The following GFOD2 variants were observed in gnomAD, a reference collection of about 807,000 sequenced individuals.
The protein encoded by GFOD2 is Gfo/Idh/MocA-like oxidoreductase domain containing 2.
In GFOD2, 9 loss-of-function variants were observed where a neutral mutation model predicts 24.6. That is an observed-to-expected ratio of 0.37 (90% confidence interval 0.22 to 0.64). The LOEUF (loss-of-function observed/expected upper bound fraction) is 0.64, where lower values mean the gene tolerates loss of function less well. Ranked by LOEUF, GFOD2 falls within the 30% of genes least tolerant of loss-of-function variation. GFOD2 has a pLI of 0.65. For missense variants in GFOD2, 476 were observed against 532.5 expected, an observed-to-expected ratio of 0.89 and a Z score of 1.04; for synonymous variants, 211 against 224.8, an observed-to-expected ratio of 0.94 and a Z score of 0.55.
At chr16:67,677,549 C>G (rs1006451258) in intron 2 of GFOD2, 4 of 152,276 alleles carry the variant, frequency 2.6e-5, no homozygotes, top group African/African-American at 9.7e-5. Flanking sequence ...CTCCTGTGGT[C>G]TCTCGGTTGC....
intron 1 of GFOD2, among the ~76,000 whole-genome samples, chr16:67,717,706 G>C (rs1042696497): frequency 3.3e-5 from 5 of 152,114 alleles, no homozygotes; most frequent in Non-Finnish European, 1.5e-5. Context: ...CCAGAGAATC[G>C]CTTGAACCTG....
chr16:67,711,431 G>A (rs539392166), intron 1 of GFOD2, among the ~76,000 whole-genome samples: 2 of 152,012 alleles, frequency 1.3e-5, no homozygotes, highest in Non-Finnish European at 2.9e-5. Flanking sequence ...TTCTCCTGAT[G>A]GTGACTGTAG....
intron 2 of GFOD2, chr16:67,677,554 G>C (rs755038268): frequency 6.6e-6 from 1 of 152,204 alleles, no homozygotes; most frequent in Admixed American, 6.6e-5. Flanking sequence ...GTGGTCTCTC[G>C]GTTGCTCATC....
chr16:67,705,688 C>T (rs1206465271), intron 1 of GFOD2, among the ~76,000 whole-genome samples: 1 of 152,032 alleles, frequency 6.6e-6, no homozygotes, highest in African/African-American at 2.4e-5. Context: ...CCTGTAATCC[C>T]AGCACTTTGG....
intron 2 of GFOD2, chr16:67,683,036 C>T (rs986744763): frequency 1.0e-5 from 3 of 290,438 alleles, no homozygotes; most frequent in Non-Finnish European, 1.5e-5. Context: ...TCACTGCTCA[C>T]TGCAGCCTCT....
chr16:67,690,859 A>G (rs965829078), intron 1 of GFOD2, among the ~76,000 whole-genome samples: 3 of 152,012 alleles, frequency 2.0e-5, no homozygotes, highest in Admixed American at 2.0e-4. Context: ...TTTGTTTACC[A>G]ATTATTTATT....
At chr16:67,683,817 G>A (rs1174318207) in intron 2 of GFOD2, 2 of 1,222,002 alleles carry the variant, frequency 1.6e-6, no homozygotes, top group Non-Finnish European at 2.0e-6. Context: ...CATGGCACCG[G>A]TTCCTCGACC....
intron 1 of GFOD2, among the ~76,000 whole-genome samples, chr16:67,704,019 T>C (rs2142996794): frequency 6.6e-6 from 1 of 152,334 alleles, no homozygotes; most frequent in Non-Finnish European, 1.5e-5. Flanking sequence ...TGTGTCAGAT[T>C]TTCCTTCCTT....
At chr16:67,717,249 T>A (rs1477503496) in intron 1 of GFOD2, among the ~76,000 whole-genome samples, 1 of 152,170 alleles carries the variant, frequency 6.6e-6, no homozygotes, top group Admixed American at 6.5e-5. Context: ...ATACTTCCAA[T>A]GTATCTTCTT....
rs567138815 is a variant in GFOD2 at position 67,679,812 on chromosome 16, C to T, written c.260-3759G>A. On this transcript the variant is annotated intron_variant, in intron 2 of 2. Coordinates refer to ENST00000268797, the MANE Select transcript of GFOD2 (RefSeq NM_030819.4). Reference sequence around the variant, plus strand: ...TGAGGCAGGAGAATTGCTTGAACCCCGGAGGCGGAGGTTGCAGTGAGCTGA... The same window carrying T: ...TGAGGCAGGAGAATTGCTTGAACCCTGGAGGCGGAGGTTGCAGTGAGCTGA... 3.3e-4 allele frequency among the ~76,000 whole-genome samples: 50 copies of T among 150,926 alleles called. No individual in the cohort carries two copies. In the South Asian group the frequency reaches 0.01, roughly 31 times the overall value.
intron 2 of GFOD2, chr16:67,685,092 C>T: frequency 8.1e-7 from 1 of 1,234,740 alleles, no homozygotes; most frequent in Non-Finnish European, 1.0e-6. Flanking sequence ...GTGCTGTGTG[C>T]CCCAGAAATG....
At chr16:67,703,278 C>G (rs1384904889) in intron 1 of GFOD2, among the ~76,000 whole-genome samples, 1 of 152,146 alleles carries the variant, frequency 6.6e-6, no homozygotes, top group Non-Finnish European at 1.5e-5. Context: ...TGGCGCATGC[C>G]TGTAATCCCA....
intron 1 of GFOD2, among the ~76,000 whole-genome samples, chr16:67,698,974 A>G (rs2053378901): frequency 6.6e-6 from 1 of 152,164 alleles, no homozygotes; most frequent in South Asian, 2.1e-4. Context: ...AAAATAAAAT[A>G]AATAACTGAA....
intron 1 of GFOD2, among the ~76,000 whole-genome samples, chr16:67,707,554 AGTCC>A (rs2053447563): frequency 6.6e-6 from 1 of 152,258 alleles, no homozygotes; most frequent in Admixed American, 6.5e-5. Flanking sequence ...TAAAAACATA[AGTCC>A]ACAAAAAAAA....
chr16:67,679,341 T>TC (rs1172338262), intron 2 of GFOD2, among the ~76,000 whole-genome samples: 1 of 151,758 alleles, frequency 6.6e-6, no homozygotes, highest in East Asian at 2.0e-4. Flanking sequence ...CAAGTGACTT[T>TC]CCTGCCTCAG....
chr16:67,693,619 T>C (rs920701259), intron 1 of GFOD2, among the ~76,000 whole-genome samples: 1 of 152,222 alleles, frequency 6.6e-6, no homozygotes, highest in African/African-American at 2.4e-5. Flanking sequence ...GAATGTACCA[T>C]TTTAAACCAT....
intron 1 of GFOD2, among the ~76,000 whole-genome samples, chr16:67,700,056 C>T (rs911288838): frequency 1.3e-5 from 2 of 152,034 alleles, no homozygotes; most frequent in Non-Finnish European, 2.9e-5. Flanking sequence ...GCCTGGGCAA[C>T]AAGAGCATGA....
intron 1 of GFOD2, among the ~76,000 whole-genome samples, chr16:67,696,240 CTT>C (rs1567658704): frequency 6.6e-6 from 1 of 151,190 alleles, no homozygotes; most frequent in Non-Finnish European, 1.5e-5. Flanking sequence ...GTCCCGATCT[CTT>C]GACCTCGTGA....
chr16:67,714,954 T>C (rs1421770926), intron 1 of GFOD2, among the ~76,000 whole-genome samples: 2 of 152,204 alleles, frequency 1.3e-5, no homozygotes, highest in East Asian at 3.8e-4. Context: ...TGCAATTCCT[T>C]TCTAAGAGCA....
Sources: allele counts gnomAD v4.1 joint callset (sites outside exome capture counted in the v4.1 genomes callset), GRCh38; gene constraint gnomAD v4.1.1; transcripts MANE v1.5; gene names NCBI Gene and HGNC (gene_info 2026-07-23, HGNC 2026-07-21).